Variants in PTPRN2 observed in about 807,000 individuals in gnomAD.
PTPRN2 encodes receptor-type tyrosine-protein phosphatase N2.
In PTPRN2, 74 loss-of-function variants were observed where a neutral mutation model predicts 118.8. The observed-to-expected ratio is 0.62, with a 90% CI of 0.52 to 0.76. The LOEUF is 0.76. Among genes scored for constraint, PTPRN2 ranks in the 30% least tolerant of loss-of-function variants. The pLI, the probability that PTPRN2 is intolerant of heterozygous loss-of-function variation, is 0.00. For missense variants in PTPRN2, 1,481 were observed against 1,394.4 expected (o/e 1.06, Z -0.99); for synonymous variants, 641 against 608.0 (o/e 1.05, Z -0.80).
chr7:157,704,035 G>T (rs753932740), intron 12 of PTPRN2, among the ~76,000 whole-genome samples: 3 of 152,164 alleles, frequency 2.0e-5, no homozygotes, highest in Non-Finnish European at 4.4e-5. Context: ...GCGGGGTGAG[G>T]TGCCACCAGG....
At chr7:158,217,881 G>A (rs1828062095) in intron 3 of PTPRN2, among the ~76,000 whole-genome samples, 1 of 152,006 alleles carries the variant, frequency 6.6e-6, no homozygotes, top group Admixed American at 6.6e-5. Context: ...AACACAGGCA[G>A]ACAAAAATAA....
intron 12 of PTPRN2, among the ~76,000 whole-genome samples, chr7:157,818,107 A>G (rs932554500): frequency 3.4e-5 from 5 of 148,882 alleles, no homozygotes; most frequent in African/African-American, 1.2e-4. Context: ...TGTTGTGTGT[A>G]CAGTGTGGGT....
intron 2 of PTPRN2, among the ~76,000 whole-genome samples, chr7:158,317,153 GA>G: frequency 6.6e-6 from 1 of 150,776 alleles, no homozygotes; most frequent in Admixed American, 6.6e-5. Flanking sequence ...AAGGTGGAGA[GA>G]AAGTCCAGTG....
At chr7:158,114,611 C>A (rs907627876) in intron 9 of PTPRN2, among the ~76,000 whole-genome samples, 1 of 152,142 alleles carries the variant, frequency 6.6e-6, no homozygotes, top group African/African-American at 2.4e-5. Context: ...GAGGAGCCAG[C>A]GGCCCCCGGC....
At position 157,720,432 on chromosome 7, in the gene PTPRN2, CG is replaced by C. The variant is rs1286475361; in HGVS notation, c.1789-37496del. On this transcript the variant is annotated intron_variant, in intron 12 of 22. Coordinates refer to ENST00000389418, the MANE Select transcript of PTPRN2 (RefSeq NM_002847.5). ...AGCTCCTGCTCTGTGTTTGGGAACG[CG>C]TGCGGCCCACAGGACAAAGCCTTGT... is the stretch of plus-strand genomic sequence containing the variant. 4.6e-5 allele frequency among the ~76,000 whole-genome samples: 7 copies of C among 152,216 alleles called. No individual in the cohort carries two copies. In the East Asian group the frequency reaches 1.3e-3, roughly 29 times the overall value.
chr7:157,987,545 G>C lies in PTPRN2; in HGVS notation c.1724-88808C>G, dbSNP rs763193198. 2.6e-5 allele frequency among the ~76,000 whole-genome samples: 4 copies of C among 152,126 alleles called. No individual in the cohort carries two copies. The highest frequency in any genetic ancestry group is 9.7e-5 in the African/African-American group (4 of 41,426). On this transcript the variant is annotated intron_variant, in intron 11 of 22. Transcript: ENST00000389418. The surrounding 1 kb of genome is among the most constrained non-coding windows in gnomAD (Gnocchi z 4.3). ...GACTTCCCAGGGGCAGAGCAGACCC[G>C]GTGGACAGCAGGAGCTGCCTGGTCC...
intron 11 of PTPRN2, 100 bp from the exon 12 acceptor site, chr7:157,898,837 G>A: frequency 9.8e-7 from 1 of 1,019,684 alleles, no homozygotes; most frequent in Non-Finnish European, 1.5e-6. Context: ...TCAATTACAT[G>A]ACTGCTTGAC....
intron 2 of PTPRN2, among the ~76,000 whole-genome samples, chr7:158,474,359 A>G (rs1000227300): frequency 6.6e-6 from 1 of 152,214 alleles, no homozygotes; most frequent in African/African-American, 2.4e-5. Flanking sequence ...GCTCAACCCC[A>G]TTTAGTTTTT....
At chr7:158,226,089 G>C (rs1479471107) in intron 3 of PTPRN2, among the ~76,000 whole-genome samples, 2 of 152,116 alleles carry the variant, frequency 1.3e-5, no homozygotes, top group East Asian at 1.9e-4. Context: ...AAGATACATA[G>C]CAGTTTCTAT....
chr7:158,093,016 C>A lies in PTPRN2; in HGVS notation c.1644-11639G>T, dbSNP rs1814321168. Among the ~76,000 whole-genome samples, 1 of 152,202 alleles carries A rather than the reference C, an allele frequency of 6.6e-6. No individual in the cohort carries two copies. The highest frequency in any genetic ancestry group is 6.5e-5 in the Admixed American group (1 of 15,284). On this transcript the variant is annotated intron_variant, in intron 10 of 22. Transcript: ENST00000389418. This position sits in a 1 kb window ranked among gnomAD's most constrained non-coding sequence, Gnocchi z 4.4. ...GTTTTAGGTGCTAGCTCCAAATAGT[C>A]CAATTCTAATATCAATGCCACCACT...
rs959659806 is a variant in PTPRN2, at chr7:157,560,107, C to A, written c.2902+8795G>T. Among the ~76,000 whole-genome samples the A allele has an allele frequency of 2.0e-5, 3 of 152,138 alleles. No homozygotes were observed. The highest frequency in any genetic ancestry group is 4.4e-5 in the Non-Finnish European group (3 of 68,026). On this transcript the variant is annotated intron_variant, in intron 21 of 22. Transcript: ENST00000389418. The surrounding 1 kb of genome is among the most constrained non-coding windows in gnomAD (Gnocchi z 6.7). ...GCATCCAATGGGCCTGAGGTGTCTG[C>A]GTGACCATGAGGAGAAGCGGAGGAC...
rs984232363 is a variant in PTPRN2 at position 157,619,234 on chromosome 7, G to A, written c.2344+2128C>T. ...CCACGCTCCGGGCTGTCTTTGGGGA[G>A]GGCGTGCTGTCAGATGAATATTTAC... On this transcript the variant is annotated intron_variant, in intron 15 of 22. Transcript: ENST00000389418. This position sits in a 1 kb window ranked among gnomAD's most constrained non-coding sequence, Gnocchi z 5.3. Among the ~76,000 whole-genome samples, 1 of 152,162 alleles carries A rather than the reference G, an allele frequency of 6.6e-6. No homozygotes were observed. Among genetic ancestry groups the A allele is most frequent in the African/African-American group, 2.4e-5 (1 of 41,438 alleles).
chr7:157,778,204 G>A (rs6949185), intron 12 of PTPRN2, among the ~76,000 whole-genome samples: 3,874 of 152,312 alleles, frequency 0.025, 161 homozygotes, highest in African/African-American at 0.088. Context: ...CCAACGCTCC[G>A]CCTGCATGGC....
chr7:158,513,513 C>T (rs1418631080), intron 1 of PTPRN2, among the ~76,000 whole-genome samples: 1 of 152,142 alleles, frequency 6.6e-6, no homozygotes, highest in African/African-American at 2.4e-5. Flanking sequence ...AAACTGTGTA[C>T]TAATGTAGGA....
At chr7:157,877,388 A>T (rs923875760) in intron 12 of PTPRN2, among the ~76,000 whole-genome samples, 1 of 143,148 alleles carries the variant, frequency 7.0e-6, no homozygotes, top group African/African-American at 2.7e-5. Flanking sequence ...CGGGGACCCG[A>T]GATCTGAGTG....
rs932892604 is a variant in PTPRN2, at chr7:157,907,688, T to A, written c.1724-8951A>T. On this transcript the variant is annotated intron_variant, in intron 11 of 22. Transcript: ENST00000389418. ...TCCTGGGGGTGGCAGTATCTCCCTG[T>A]CCCTTGCGTGTGGGGTGTCCTGGGT... Among the ~76,000 whole-genome samples, 2 of 149,356 alleles carry A rather than the reference T, an allele frequency of 1.3e-5. 1 individual carries two copies. Among genetic ancestry groups the A allele is most frequent in the South Asian group, 4.3e-4 (2 of 4,628 alleles).
At chr7:158,063,254 C>T (rs1810496125) in intron 11 of PTPRN2, among the ~76,000 whole-genome samples, 1 of 151,868 alleles carries the variant, frequency 6.6e-6, no homozygotes, top group South Asian at 2.1e-4. Flanking sequence ...ATACACCAAT[C>T]AGCACTCTTG....
At chr7:158,363,822 C>T (rs1809207360) in intron 2 of PTPRN2, among the ~76,000 whole-genome samples, 1 of 152,116 alleles carries the variant, frequency 6.6e-6, no homozygotes, top group Non-Finnish European at 1.5e-5. Context: ...TCTGGCAGGT[C>T]AGGGAGAGGA....
intron 11 of PTPRN2, among the ~76,000 whole-genome samples, chr7:158,000,243 A>G (rs1237421087): frequency 6.6e-6 from 1 of 152,120 alleles, no homozygotes; most frequent in East Asian, 1.9e-4. Flanking sequence ...CTCTTTTGCC[A>G]AAGGATGCTT....
Sources: gnomAD v4.1 joint callset for allele counts (sites outside exome capture counted in the v4.1 genomes callset) on GRCh38, gnomAD v4.1.1 for gene constraint, Gnocchi (gnomAD v3.1) non-coding constraint, MANE v1.5 for transcripts, NCBI Gene and HGNC (gene_info 2026-07-23, HGNC 2026-07-21) for gene names.